AGAP1: variants seen among roughly 807,000 people sequenced by gnomAD.
AGAP1 encodes the protein arf-GAP with GTPase, ANK repeat and PH domain-containing protein 1.
In AGAP1, 29 loss-of-function variants were observed where a neutral mutation model predicts 105.3. That is an observed-to-expected ratio of 0.28 (90% confidence interval 0.21 to 0.38). AGAP1 has a LOEUF of 0.38. Ranked by LOEUF, AGAP1 falls within the 10% of genes least tolerant of loss-of-function variation. The probability of loss-of-function intolerance (pLI) is 1.00; values close to 1 mark genes in which losing one functional copy is unlikely to be tolerated. For synonymous variants in AGAP1, 509 were observed against 485.9 expected (o/e 1.05, Z -0.63); for missense variants, 998 against 1,165.1 (o/e 0.86, Z 2.09).
chr2:235,563,994 C>G (rs1370855842), intron 1 of AGAP1, among the ~76,000 whole-genome samples: 2 of 152,100 alleles, frequency 1.3e-5, no homozygotes, highest in Non-Finnish European at 2.9e-5. Flanking sequence ...CAGATGCCTC[C>G]TGGAGCCTCT....
At position 235,596,953 on chromosome 2, in the gene AGAP1, G is replaced by A. The variant is rs1043516620; in HGVS notation, c.163+102104G>A. Among the ~76,000 whole-genome samples the A allele has an allele frequency of 1.3e-5, 2 of 152,146 alleles. No individual in the cohort carries two copies. Among genetic ancestry groups the A allele is most frequent in the Non-Finnish European group, 2.9e-5 (2 of 68,036 alleles). On this transcript the variant is annotated intron_variant, in intron 1 of 17. Coordinates refer to ENST00000304032, the MANE Select transcript of AGAP1 (RefSeq NM_001037131.3). This position sits in a 1 kb window ranked among gnomAD's most constrained non-coding sequence, Gnocchi z 5.9. ...GGAGATATGGCTTCTGCAGGAAGAG[G>A]CCTCACCAGGAACCAAATTGACCAG...
chr2:235,751,992 G>A lies in AGAP1; in HGVS notation c.673+1504G>A, dbSNP rs1353677457. ...CCGTGCTGGTGAACATGAGTGAGAT[G>A]TTAGTGAGACTTGGAAGAACTGTGC... On this transcript the variant is annotated intron_variant, in intron 6 of 17. Coordinates refer to ENST00000304032, the MANE Select transcript of AGAP1 (RefSeq NM_001037131.3). The surrounding 1 kb of genome is among the most constrained non-coding windows in gnomAD (Gnocchi z 5.3). 6.6e-6 allele frequency among the ~76,000 whole-genome samples: 1 copy of A among 152,196 alleles called. No homozygotes were observed. The highest frequency in any genetic ancestry group is 2.4e-5 in the African/African-American group (1 of 41,468).
chr2:235,498,539 GA>G (rs1941421684), intron 1 of AGAP1, among the ~76,000 whole-genome samples: 1 of 152,242 alleles, frequency 6.6e-6, no homozygotes, highest in Non-Finnish European at 1.5e-5. Context: ...GTTCTCCTTA[GA>G]AAAGTCCATC....
chr2:235,817,230 G>A (rs1370830058), intron 9 of AGAP1, among the ~76,000 whole-genome samples: 1 of 151,984 alleles, frequency 6.6e-6, no homozygotes, highest in Non-Finnish European at 1.5e-5. Flanking sequence ...GGCCCAGACT[G>A]TGCACTCTGT....
Position 235,664,357 on chromosome 2 carries a change from G to T in AGAP1, c.164-44822G>T, listed in dbSNP as rs1180295924. Among the ~76,000 whole-genome samples the T allele has an allele frequency of 6.6e-6, 1 of 151,820 alleles. No individual in the cohort carries two copies. The highest frequency in any genetic ancestry group is 1.5e-5 in the Non-Finnish European group (1 of 67,974). On this transcript the variant is annotated intron_variant, in intron 1 of 17. Coordinates refer to ENST00000304032, the MANE Select transcript of AGAP1 (RefSeq NM_001037131.3). The surrounding 1 kb of genome is among the most constrained non-coding windows in gnomAD (Gnocchi z 5.7). ...CCCCCAGGTAGCTGGGATTACAGGTGCACACCACCACGCCCAGCTAATTTT... is the reference window on the plus strand; with the variant it reads ...CCCCCAGGTAGCTGGGATTACAGGTTCACACCACCACGCCCAGCTAATTTT...
chr2:235,863,786 G>T (rs1172439362), intron 9 of AGAP1, among the ~76,000 whole-genome samples: 1 of 152,242 alleles, frequency 6.6e-6, no homozygotes, highest in Non-Finnish European at 1.5e-5. Flanking sequence ...GGGACACCAG[G>T]TAGTGATGTC....
chr2:235,643,253 A>AAG, intron 1 of AGAP1, among the ~76,000 whole-genome samples: 3 of 151,914 alleles, frequency 2.0e-5, no homozygotes, highest in African/African-American at 7.3e-5. Flanking sequence ...CAACATGGTG[A>AAG]AACTCTGTCT....
Position 235,538,760 on chromosome 2 carries a change from G to A in AGAP1, c.163+43911G>A, listed in dbSNP as rs149076462. Reference sequence around the variant, plus strand: ...AACTTTCCTTTTTGAGGAGATTTGAGAAGTGTGTTGTCCAAGATAGGATTT... The same window carrying A: ...AACTTTCCTTTTTGAGGAGATTTGAAAAGTGTGTTGTCCAAGATAGGATTT... On this transcript the variant is annotated intron_variant, in intron 1 of 17. Coordinates refer to ENST00000304032, the MANE Select transcript of AGAP1 (RefSeq NM_001037131.3). Among the ~76,000 whole-genome samples, 811 of 152,282 alleles carry A rather than the reference G, an allele frequency of 5.3e-3. 5 individuals are homozygous for A. Among genetic ancestry groups the A allele is most frequent in the Non-Finnish European group, 6.9e-3 (471 of 68,026 alleles).
rs546778516 is a variant in AGAP1 at position 235,743,922 on chromosome 2, A to G, written c.397-776A>G. Among the ~76,000 whole-genome samples, 11 of 152,350 alleles carry G rather than the reference A, an allele frequency of 7.2e-5. No homozygotes were observed. The East Asian group carries it at 1.7e-3, about 24-fold the overall frequency. On this transcript the variant is annotated intron_variant, in intron 4 of 17. Coordinates refer to ENST00000304032, the MANE Select transcript of AGAP1 (RefSeq NM_001037131.3). Reference sequence around the variant, plus strand: ...AGGCAGCCTCCACTCACTCAGCTCCAGTTTTCCAAGATGGCTGTTGGTACT... The same window carrying G: ...AGGCAGCCTCCACTCACTCAGCTCCGGTTTTCCAAGATGGCTGTTGGTACT...
chr2:235,863,859 T>C (rs2049036737), intron 9 of AGAP1, among the ~76,000 whole-genome samples: 1 of 152,152 alleles, frequency 6.6e-6, no homozygotes, highest in African/African-American at 2.4e-5. Context: ...ACTCTGAGCA[T>C]TGAAGAGTCA....
chr2:235,760,671 A>C (rs1481552706), intron 6 of AGAP1, among the ~76,000 whole-genome samples: 1 of 152,192 alleles, frequency 6.6e-6, no homozygotes, highest in East Asian at 1.9e-4. Context: ...CTGCAGTTTC[A>C]GACTCTTGGG....
intron 1 of AGAP1, among the ~76,000 whole-genome samples, chr2:235,500,343 C>T (rs540708644): frequency 5.3e-5 from 8 of 152,204 alleles, no homozygotes; most frequent in African/African-American, 1.4e-4. Flanking sequence ...TTGCCGGCCC[C>T]TCCCATACCT....
chr2:236,099,106 C>T (rs1025779389), intron 16 of AGAP1, among the ~76,000 whole-genome samples: 7 of 151,084 alleles, frequency 4.6e-5, no homozygotes, highest in South Asian at 2.1e-4. Context: ...CAGGGTGGGC[C>T]GGGGGGACTT....
At position 235,744,604 on chromosome 2, in the gene AGAP1, C is replaced by T; in HGVS notation, c.397-94C>T. ...CAGTGTGTGACCGAGGGGATTCCTG[C>T]AGCCCCCTGCTGCCTGCCGCCATGC... On this transcript the variant is annotated intron_variant, in intron 4 of 17. Transcript: ENST00000304032. The surrounding 1 kb of genome is among the most constrained non-coding windows in gnomAD (Gnocchi z 5.2). The T allele has an allele frequency of 6.7e-7, 1 of 1,494,868 alleles. No individual in the cohort carries two copies. Among genetic ancestry groups the T allele is most frequent in the Non-Finnish European group, 9.2e-7 (1 of 1,085,936 alleles). 92.6% of individuals were successfully genotyped at this position (1,494,868 alleles called of 1,614,324 possible). A position where few individuals can be genotyped will look rare whatever the true frequency, so the allele number is the denominator to read the frequency against.
At position 235,900,020 on chromosome 2, in the gene AGAP1, G is replaced by A. The variant is rs2050991637; in HGVS notation, c.1156-8718G>A. Among the ~76,000 whole-genome samples the A allele has an allele frequency of 6.6e-6, 1 of 152,162 alleles. No homozygotes were observed. Among genetic ancestry groups the A allele is most frequent in the Non-Finnish European group, 1.5e-5 (1 of 68,046 alleles). On this transcript the variant is annotated intron_variant, in intron 10 of 17. Coordinates refer to ENST00000304032, the MANE Select transcript of AGAP1 (RefSeq NM_001037131.3). The surrounding 1 kb of genome is among the most constrained non-coding windows in gnomAD (Gnocchi z 5.5). ...CTTAACCCTTTGGACTGGTGGACTT[G>A]AGCCCACGCATGTTGGACACTGGCC...
intron 1 of AGAP1, among the ~76,000 whole-genome samples, chr2:235,495,768 A>T (rs1397994832): frequency 6.6e-6 from 1 of 152,052 alleles, no homozygotes; most frequent in African/African-American, 2.4e-5. Flanking sequence ...TCCGGCCAAG[A>T]CTCACCTGGG....
chr2:235,869,420 T>TAAAAAAAAAAAAA lies in AGAP1; in HGVS notation c.1051-13906_1051-13894dup, dbSNP rs35813316. 2.6e-4 allele frequency among the ~76,000 whole-genome samples: 13 copies of TAAAAAAAAAAAAA among 49,958 alleles called. 1 individual carries two copies. Among genetic ancestry groups the TAAAAAAAAAAAAA allele is most frequent in the South Asian group, 1.7e-3 (1 of 602 alleles). 32.8% of individuals were successfully genotyped at this position (49,958 alleles called of 152,430 possible). ...CAACATGGTGAAACTCCATCTCTAC[T>TAAAAAAAAAAAAA]AAAAAAAAAAAAAAAAAAAAAAAAA... On this transcript the variant is annotated intron_variant, in intron 9 of 17. Coordinates refer to ENST00000304032, the MANE Select transcript of AGAP1 (RefSeq NM_001037131.3).
intron 6 of AGAP1, among the ~76,000 whole-genome samples, chr2:235,763,323 C>T (rs1575377193): frequency 6.6e-6 from 1 of 152,088 alleles, no homozygotes; most frequent in African/African-American, 2.4e-5. Flanking sequence ...ATTAAAACAC[C>T]CTGGTTTCCA....
chr2:235,970,206 T>TAAAA lies in AGAP1; in HGVS notation c.1645+1602_1645+1605dup, dbSNP rs35825564. Among the ~76,000 whole-genome samples, 1 of 117,904 alleles carries TAAAA rather than the reference T, an allele frequency of 8.5e-6. No homozygotes were observed. Among genetic ancestry groups the TAAAA allele is most frequent in the Non-Finnish European group, 1.7e-5 (1 of 58,382 alleles). The allele number at this position is 117,904 out of a possible 152,430, so 77.3% of individuals were successfully genotyped here. ...GGGCGACAGAGTGAGACTCTGTCTT[T>TAAAA]AAAAAAAAAAAAAAAAAAAAAAGAC... On this transcript the variant is annotated intron_variant, in intron 13 of 17. Transcript: ENST00000304032. The surrounding 1 kb of genome is among the most constrained non-coding windows in gnomAD (Gnocchi z 5.4).
Sources: allele counts gnomAD v4.1 joint callset (sites outside exome capture counted in the v4.1 genomes callset), GRCh38; gene constraint gnomAD v4.1.1; non-coding constraint Gnocchi (gnomAD v3.1); transcripts MANE v1.5; gene names NCBI Gene and HGNC (gene_info 2026-07-23, HGNC 2026-07-21).